Variants in FBXO11 observed in about 807,000 individuals in gnomAD.
The protein encoded by FBXO11 is F-box protein 11.
A neutral mutation model predicts 117.0 loss-of-function variants in FBXO11; 13 were observed. That is an observed-to-expected ratio of 0.11 (90% CI 0.07 to 0.18). The LOEUF (loss-of-function observed/expected upper bound fraction) is 0.18. Among genes scored for constraint, FBXO11 ranks in the 10% least tolerant of loss-of-function variants. The pLI, the probability that FBXO11 is intolerant of heterozygous loss-of-function variation, is 1.00. For synonymous variants in FBXO11, 490 were observed against 380.5 expected (o/e 1.29, Z -3.35); for missense variants, 767 against 1,164.4 (o/e 0.66, Z 4.97).
At chr2:47,905,200 G>C (rs991126768) in intron 1 of FBXO11, 1 of 216,202 alleles carries the variant, frequency 4.6e-6, no homozygotes, top group African/African-American at 2.3e-5. Context: ...CTGTGAGCGA[G>C]CGGAGAAGCC....
intron 1 of FBXO11, among the ~76,000 whole-genome samples, chr2:47,840,498 T>G (rs1456297580): frequency 1.3e-5 from 2 of 149,846 alleles, no homozygotes; most frequent in African/African-American, 2.5e-5. Context: ...TCACCCAGGC[T>G]GGAGTGCAGT....
At chr2:47,898,756 C>T (rs376718668) in intron 1 of FBXO11, among the ~76,000 whole-genome samples, 1 of 152,144 alleles carries the variant, frequency 6.6e-6, no homozygotes, top group East Asian at 1.9e-4. Flanking sequence ...TGGTATAGAA[C>T]AGGGGACAGA....
At chr2:47,861,276 T>TGAC (rs1674753657) in intron 1 of FBXO11, among the ~76,000 whole-genome samples, 1 of 152,024 alleles carries the variant, frequency 6.6e-6, no homozygotes, top group African/African-American at 2.4e-5. Flanking sequence ...ATATTGTAAT[T>TGAC]GACTTCATAA....
intron 14 of FBXO11, among the ~76,000 whole-genome samples, chr2:47,819,356 C>A (rs910491390): frequency 1.3e-5 from 2 of 152,170 alleles, no homozygotes; most frequent in Non-Finnish European, 2.9e-5. Context: ...GCTAGGATTA[C>A]AGGCGTCTGC....
chr2:47,881,046 A>ATCT (rs1676392012), intron 1 of FBXO11, among the ~76,000 whole-genome samples: 2 of 152,206 alleles, frequency 1.3e-5, no homozygotes, highest in African/African-American at 2.4e-5. Context: ...CAAAGTCAGG[A>ATCT]GTTCAAGTCA....
intron 5 of FBXO11, among the ~76,000 whole-genome samples, chr2:47,835,211 TC>T (rs1672460066): frequency 6.6e-6 from 1 of 152,058 alleles, no homozygotes; most frequent in Non-Finnish European, 1.5e-5. Flanking sequence ...ATTGTGACAA[TC>T]AAAAAATGTC....
intron 13 of FBXO11, among the ~76,000 whole-genome samples, chr2:47,821,362 G>A (rs1181517548): frequency 6.6e-6 from 1 of 152,146 alleles, no homozygotes. Flanking sequence ...TGTAATCCCA[G>A]CACTTTGGGA....
At position 47,832,778 on chromosome 2, in the gene FBXO11, T is replaced by G; in HGVS notation, c.1144A>C (p.Thr382Pro). 1 of 1,612,490 alleles carries G rather than the reference T, an allele frequency of 6.2e-7. No individual in the cohort carries two copies. The highest frequency in any genetic ancestry group is 8.5e-7 in the Non-Finnish European group (1 of 1,178,488). The stretch of plus-strand genomic sequence containing the variant: ...TAAAGAAAACACTAACCTGTACATG[T>G]ACTTCGGATGATACAGTGATCAATA... ...PIIDHCIIRS[T>P]CTVGSAVCVS... Residue 382 changes from threonine to proline, a missense_variant, in exon 9 of 23, where the codon ACA becomes CCA. By Grantham distance (38) the Thr-to-Pro change is conservative (BLOSUM62 -1). Coordinates refer to ENST00000403359, the MANE Select transcript of FBXO11 (RefSeq NM_001190274.2).
intron 1 of FBXO11, among the ~76,000 whole-genome samples, chr2:47,854,603 G>C (rs1674124583): frequency 6.6e-6 from 1 of 152,100 alleles, no homozygotes; most frequent in Non-Finnish European, 1.5e-5. Context: ...CAAAATGAGA[G>C]GGACAAACTA....
chr2:47,812,525 G>A (rs1426104554), intron 18 of FBXO11, among the ~76,000 whole-genome samples: 1 of 151,576 alleles, frequency 6.6e-6, no homozygotes, highest in African/African-American at 2.4e-5. Flanking sequence ...TGAATTACTA[G>A]ATTATAAGCT....
intron 1 of FBXO11, among the ~76,000 whole-genome samples, chr2:47,848,959 A>G (rs989999096): frequency 1.3e-5 from 2 of 152,206 alleles, no homozygotes. Flanking sequence ...TTTAATTGAC[A>G]GAAGTTTTTT....
At position 47,906,371 on chromosome 2, in the gene FBXO11, G is replaced by C. The variant is rs1367608853; in HGVS notation, c.-651C>G. 6.6e-6 allele frequency among the ~76,000 whole-genome samples: 1 copy of C among 152,176 alleles called. No individual in the cohort carries two copies. The highest frequency in any genetic ancestry group is 2.4e-5 in the African/African-American group (1 of 41,440). ...TGAAGGGAGGAGATAGGGGGAAAAA[G>C]AGGCGTCGTCCTTCCTCCTCCTTAA... On this transcript the variant is annotated 5_prime_UTR_variant, in exon 1 of 23. Transcript: ENST00000403359.
At chr2:47,874,259 T>G (rs912750855) in intron 1 of FBXO11, among the ~76,000 whole-genome samples, 1 of 152,046 alleles carries the variant, frequency 6.6e-6, no homozygotes. Context: ...AAATATACAT[T>G]AATCCACTGT....
At chr2:47,819,689 T>G (rs1031588547) in intron 14 of FBXO11, among the ~76,000 whole-genome samples, 1 of 152,224 alleles carries the variant, frequency 6.6e-6, no homozygotes. Flanking sequence ...ACCTCTCATT[T>G]AGTAATAAAT....
At chr2:47,820,271 G>C in intron 14 of FBXO11, 91 bp downstream of exon 14, 1 of 853,960 alleles carries the variant, frequency 1.2e-6, no homozygotes, top group Non-Finnish European at 1.8e-6. Context: ...CTCAAAAGTT[G>C]AATATGGCCT....
At chr2:47,894,821 A>G (rs1677535016) in intron 1 of FBXO11, among the ~76,000 whole-genome samples, 1 of 152,200 alleles carries the variant, frequency 6.6e-6, no homozygotes, top group Admixed American at 6.5e-5. Context: ...ACATATTTTA[A>G]TAACAACTGT....
intron 11 of FBXO11, 150 bp downstream of exon 11, chr2:47,832,199 C>A: frequency 1.7e-6 from 1 of 604,620 alleles, no homozygotes; most frequent in South Asian, 3.0e-5. Flanking sequence ...ATAAATATTT[C>A]ATATTAATTT....
At chr2:47,902,466 A>G (rs1381467223) in intron 1 of FBXO11, among the ~76,000 whole-genome samples, 1 of 152,162 alleles carries the variant, frequency 6.6e-6, no homozygotes, top group African/African-American at 2.4e-5. Flanking sequence ...TATAGGGTCT[A>G]GTTTCTTTCT....
chr2:47,887,607 T>C (rs1254738080), intron 1 of FBXO11, among the ~76,000 whole-genome samples: 1 of 152,056 alleles, frequency 6.6e-6, no homozygotes, highest in Non-Finnish European at 1.5e-5. Context: ...ATGCTTGTAA[T>C]CCCAGTACTT....
Sources: allele counts gnomAD v4.1 joint callset (sites outside exome capture counted in the v4.1 genomes callset), GRCh38; gene constraint gnomAD v4.1.1; transcripts MANE v1.5; gene names NCBI Gene and HGNC (gene_info 2026-07-23, HGNC 2026-07-21).